TMEM178B: variants seen among roughly 807,000 people sequenced by gnomAD.
The protein encoded by TMEM178B is transmembrane protein 178B.
TMEM178B carries 5 observed loss-of-function variants against 31.0 expected under a neutral mutation model. The observed-to-expected ratio is 0.16, with a 90% CI of 0.08 to 0.34. The LOEUF (loss-of-function observed/expected upper bound fraction) is 0.34, where lower values mean the gene tolerates loss of function less well. Ranked by LOEUF, TMEM178B falls within the 10% of genes least tolerant of loss-of-function variation. The probability of loss-of-function intolerance (pLI) is 1.00; values close to 1 mark genes in which losing one functional copy is unlikely to be tolerated. For missense variants in TMEM178B, 275 were observed against 400.3 expected (o/e 0.69, Z 2.67); for synonymous variants, 164 against 164.0 (o/e 1.00, Z 0.00).
chr7:141,205,827 A>G (rs1236142602), intron 1 of TMEM178B, among the ~76,000 whole-genome samples: 1 of 152,200 alleles, frequency 6.6e-6, no homozygotes, highest in African/African-American at 2.4e-5. Flanking sequence ...CATGTGGGAG[A>G]AAAACTGCCT....
Position 141,092,640 on chromosome 7 carries a change from A to G in TMEM178B, c.382+17948A>G, listed in dbSNP as rs1454245418. Among the ~76,000 whole-genome samples, 3 of 152,240 alleles carry G rather than the reference A, an allele frequency of 2.0e-5. No individual in the cohort carries two copies. In the South Asian group the frequency reaches 6.2e-4, roughly 32 times the overall value. On this transcript the variant is annotated intron_variant, in intron 1 of 3. Coordinates refer to ENST00000565468, the MANE Select transcript of TMEM178B (RefSeq NM_001195278.2). ...GGATGCAGTAGTTCACTAAATAGGC[A>G]AAATCTTTTGCCTATATGGAGCTCA...
chr7:141,091,346 C>A (rs895074973), intron 1 of TMEM178B, among the ~76,000 whole-genome samples: 8 of 152,112 alleles, frequency 5.3e-5, no homozygotes, highest in Non-Finnish European at 1.2e-4. Context: ...GGAAAACTGT[C>A]TCTTGTTATA....
At chr7:141,335,272 C>T (rs917587721) in intron 2 of TMEM178B, among the ~76,000 whole-genome samples, 2 of 152,182 alleles carry the variant, frequency 1.3e-5, no homozygotes, top group Admixed American at 6.5e-5. Context: ...CAGCTTTCTC[C>T]TCCAAGAGAG....
At chr7:141,115,775 C>T (rs1400582692) in intron 1 of TMEM178B, among the ~76,000 whole-genome samples, 1 of 152,180 alleles carries the variant, frequency 6.6e-6, no homozygotes, top group Admixed American at 6.5e-5. Context: ...GGCCTGTCTG[C>T]AAGGTTGAGA....
intron 1 of TMEM178B, among the ~76,000 whole-genome samples, chr7:141,094,677 A>G (rs540438775): frequency 2.0e-5 from 3 of 152,316 alleles, no homozygotes; most frequent in East Asian, 1.9e-4. Flanking sequence ...TCTAGTTGCT[A>G]TCTCCTGTAG....
intron 2 of TMEM178B, among the ~76,000 whole-genome samples, chr7:141,282,937 C>T (rs1023967247): frequency 2.0e-5 from 3 of 152,150 alleles, no homozygotes; most frequent in African/African-American, 7.2e-5. Flanking sequence ...TTAGGTGGTG[C>T]CAGACACTGT....
chr7:141,216,483 G>GCGCGCGCGCGCGCGC (rs1563120785), intron 2 of TMEM178B, among the ~76,000 whole-genome samples: 1 of 136,020 alleles, frequency 7.4e-6, no homozygotes, highest in African/African-American at 2.6e-5. Flanking sequence ...GTGGGTGTGT[G>GCGCGCGCGCGCGCGC]GTGGGGAAGA....
In TMEM178B at chr7:141,104,108, G is replaced by T. The variant is rs977670837; in HGVS notation, c.382+29416G>T. On this transcript the variant is annotated intron_variant, in intron 1 of 3. Transcript: ENST00000565468. ...TTTTAGTTGAACCTGAGCCAGGTCA[G>T]AAATTTTATGAGTTTTGAATGTAAA... is the stretch of plus-strand genomic sequence containing the variant. 4.6e-5 allele frequency among the ~76,000 whole-genome samples: 7 copies of T among 152,224 alleles called. No homozygotes were observed. The East Asian group carries it at 1.2e-3, about 25-fold the overall frequency.
At chr7:141,398,570 G>T (rs1442531364) in intron 2 of TMEM178B, among the ~76,000 whole-genome samples, 1 of 152,202 alleles carries the variant, frequency 6.6e-6, no homozygotes, top group Non-Finnish European at 1.5e-5. Flanking sequence ...AAGGTTTGAA[G>T]CCTCAGACAC....
chr7:141,503,408 T>A, the TMEM178B span, among the ~76,000 whole-genome samples: 1 of 152,248 alleles, frequency 6.6e-6, no homozygotes, highest in East Asian at 1.9e-4. Flanking sequence ...TAGCCACTAG[T>A]TCTCTCCTAT....
rs1482044828 is a variant in TMEM178B, at chr7:141,475,139, T to C, written c.*4353T>C. On this transcript the variant is annotated 3_prime_UTR_variant, in exon 4 of 4. Transcript: ENST00000565468. Reference sequence around the variant, plus strand: ...AAATACGATGTTTCTGAGTGAGAGGTGATTTCAGTGCAGATAGGAAGAGCT... The same window carrying C: ...AAATACGATGTTTCTGAGTGAGAGGCGATTTCAGTGCAGATAGGAAGAGCT... The C allele has an allele frequency of 3.3e-5, 5 of 152,100 alleles. No homozygotes were observed. The highest frequency in any genetic ancestry group is 7.3e-5 in the Non-Finnish European group (5 of 68,074). The allele number at this position is 152,100 out of a possible 1,614,324, so 9.4% of individuals were successfully genotyped here.
intron 2 of TMEM178B, among the ~76,000 whole-genome samples, chr7:141,228,318 G>T (rs1379982883): frequency 6.6e-6 from 1 of 151,728 alleles, no homozygotes; most frequent in African/African-American, 2.4e-5. Flanking sequence ...TCAGAAAAAT[G>T]TCAACTGAAA....
At chr7:141,398,618 A>G (rs983123802) in intron 2 of TMEM178B, among the ~76,000 whole-genome samples, 1 of 152,190 alleles carries the variant, frequency 6.6e-6, no homozygotes, top group Non-Finnish European at 1.5e-5. Context: ...GCAAGAGCAC[A>G]TGGGAGGTAA....
intron 1 of TMEM178B, among the ~76,000 whole-genome samples, chr7:141,205,348 A>C (rs530289779): frequency 1.3e-5 from 2 of 152,260 alleles, no homozygotes; most frequent in African/African-American, 4.8e-5. Context: ...CTACCTCACC[A>C]CTTGTAAAGT....
the TMEM178B span, among the ~76,000 whole-genome samples, chr7:141,491,825 G>C: frequency 6.6e-6 from 1 of 152,138 alleles, no homozygotes; most frequent in Admixed American, 6.5e-5. Context: ...CTTGGAGCCT[G>C]GGCCCTGTTG....
At chr7:141,274,956 T>C (rs1798242506) in intron 2 of TMEM178B, among the ~76,000 whole-genome samples, 1 of 152,186 alleles carries the variant, frequency 6.6e-6, no homozygotes, top group Non-Finnish European at 1.5e-5. Context: ...GTGCCTTCCC[T>C]CCGCTGCCTA....
chr7:141,440,740 G>A (rs553561659), intron 3 of TMEM178B, among the ~76,000 whole-genome samples: 1 of 152,294 alleles, frequency 6.6e-6, no homozygotes, highest in South Asian at 2.1e-4. Context: ...AGAAAGATCT[G>A]GGGAAGCTGC....
At chr7:141,450,696 GGAA>G (rs1801847620) in intron 3 of TMEM178B, among the ~76,000 whole-genome samples, 1 of 152,174 alleles carries the variant, frequency 6.6e-6, no homozygotes, top group East Asian at 1.9e-4. Flanking sequence ...GGAGGCAGGT[GGAA>G]GAGGTGGAGA....
chr7:141,448,648 G>T (rs896038598), intron 3 of TMEM178B, among the ~76,000 whole-genome samples: 1 of 152,266 alleles, frequency 6.6e-6, no homozygotes, highest in East Asian at 1.9e-4. Flanking sequence ...GACTGAGGGT[G>T]GGGGAGACGA....
Sources: gnomAD v4.1 joint callset for allele counts (sites outside exome capture counted in the v4.1 genomes callset) on GRCh38, gnomAD v4.1.1 for gene constraint, MANE v1.5 for transcripts, NCBI Gene and HGNC (gene_info 2026-07-23, HGNC 2026-07-21) for gene names.